The following TCHH variants were observed in gnomAD, a reference collection of about 807,000 sequenced individuals.
The protein encoded by TCHH is trichohyalin.
Under a neutral mutation model 6.3 loss-of-function variants are expected in TCHH, and 6 were observed. That is an observed-to-expected ratio of 0.95 (90% CI 0.52 to 1.88). TCHH has a LOEUF of 1.88. Ranked by LOEUF, TCHH falls within the 40% of genes most tolerant of loss-of-function variation. The probability of loss-of-function intolerance (pLI) is 0.01; values close to 1 mark genes in which losing one functional copy is unlikely to be tolerated. For synonymous variants in TCHH, 1,087 were observed against 963.6 expected, an observed-to-expected ratio of 1.13 and a Z score of -2.37; for missense variants, 2,920 against 2,449.1, an observed-to-expected ratio of 1.19 and a Z score of -4.06.
At chr1:152,113,189 G>T in intron 2 of TCHH, 111 bp from the exon 3 acceptor site, 1 of 1,106,712 alleles carries the variant, frequency 9.0e-7, no homozygotes, top group Non-Finnish European at 1.3e-6. Context: ...GACATTCAGA[G>T]CAATTAGAAA....
rs1289612596 is a variant in TCHH at position 152,111,695 on chromosome 1, T to C, written c.1522A>G (p.Arg508Gly). Residue 508 changes from arginine (R) to glycine (G), a missense_variant, in exon 3 of 3, where the codon AGG becomes GGG. By Grantham distance (125) the Arg-to-Gly change is moderately radical. Transcript: ENST00000614923. ...TCGCGCCTCTCCTCTTGCTCCCGCCTTAGTTGCTGCTCGCGCCTCTCCTGC... is the reference window on the plus strand; with the variant it reads ...TCGCGCCTCTCCTCTTGCTCCCGCCCTAGTTGCTGCTCGCGCCTCTCCTGC... ...EQQERREQQL[R>G]REQEERREQR... 6.5e-7 allele frequency: 1 copy of C among 1,533,592 alleles called. No homozygotes were observed. The highest frequency in any genetic ancestry group is 1.4e-5 in the African/African-American group (1 of 71,620). 95.0% of individuals were successfully genotyped at this position (1,533,592 alleles called of 1,614,324 possible). A position where few individuals can be genotyped will look rare whatever the true frequency, so the allele number is the denominator to read the frequency against.
chr1:152,112,742 CTTGT>C lies in TCHH; in HGVS notation c.471_474del (p.Gln158SerfsTer60). The C allele has an allele frequency of 1.2e-6, 2 of 1,614,080 alleles. No homozygotes were observed. Among genetic ancestry groups the C allele is most frequent in the Non-Finnish European group, 1.7e-6 (2 of 1,180,006 alleles). On this transcript the variant is annotated frameshift_variant, in exon 3 of 3. Coordinates refer to ENST00000614923, the MANE Select transcript of TCHH (RefSeq NM_007113.4). LOFTEE classifies it low-confidence loss of function (END_TRUNC). ...TGCCTGTCGCGCTGTTCAAGTCGCT[CTTGT>C]TTCTCACTTTGCTCCTCTCCCTCAG... is the stretch of plus-strand genomic sequence containing the variant.
At position 152,109,154 on chromosome 1, in the gene TCHH, G is replaced by A. The variant is rs1215638534; in HGVS notation, c.4063C>T (p.Arg1355Cys). Reference protein sequence around the residue: ...LQEREEQPLRRQERDRKFREE... With the variant: ...LQEREEQPLRCQERDRKFREE... ...CGGAATTTTCTGTCACGCTCTTGGC[G>A]GCGCAGCGGCTGTTCCTCCCTTTCC... Residue 1355 changes from arginine (R) to cysteine (C), a missense_variant, in exon 3 of 3, where the codon CGC (arginine) becomes TGC (cysteine). Coordinates refer to ENST00000614923, the MANE Select transcript of TCHH (RefSeq NM_007113.4). 1.2e-6 allele frequency: 2 copies of A among 1,613,752 alleles called. No homozygotes were observed. The highest frequency in any genetic ancestry group is 1.7e-5 in the Admixed American group (1 of 59,996).
rs573292568 is a variant in TCHH, at chr1:152,108,627, C to T, written c.4590G>A (p.Gln1530=). The part of the protein sequence containing the change: ...EEQQLHRQQR[Q]RKFLQEEQQL... ...GCTGTTCCTCCTGGAGGAATTTTCT[C>T]TGCCGTTGCTGGCGGTGCAGCTGCT... Residue 1530 remains glutamine (Q), a synonymous_variant, in exon 3 of 3, where the codon CAG becomes CAA. Transcript: ENST00000614923. 1.6e-5 allele frequency: 26 copies of T among 1,599,080 alleles called. No homozygotes were observed. The highest frequency in any genetic ancestry group is 2.7e-5 in the African/African-American group (2 of 73,794).
rs1360079853 is a variant in TCHH, at chr1:152,109,826, T to C, written c.3391A>G (p.Arg1131Gly). 18 of 1,607,946 alleles carry C rather than the reference T, an allele frequency of 1.1e-5. No individual in the cohort carries two copies. The highest frequency in any genetic ancestry group is 1.4e-5 in the Non-Finnish European group (17 of 1,178,030). Residue 1131 changes from arginine to glycine, a missense_variant, in exon 3 of 3, where the codon AGA (arginine) becomes GGA (glycine). Transcript: ENST00000614923. Reference protein sequence around the residue: ...EQLLREEREKRRRQELERQYR... With the variant: ...EQLLREEREKGRRQELERQYR... ...TGCCTCTCCAGCTCCTGGCGCCTTC[T>C]CTTCTCCCGTTCCTCTCTCAGCAGC...
Position 152,112,919 on chromosome 1 carries a change from G to C in TCHH, c.298C>G (p.Arg100Gly), listed in dbSNP as rs201447607. ...GQATGLDEEKRARCDGKESLL... is the reference protein window; with the variant it reads ...GQATGLDEEKGARCDGKESLL... ...CTCTCCTTTCCGTCACACCGGGCTCGCTTCTCCTCATCCAGTCCCGTGGCC... is the reference window on the plus strand; with the variant it reads ...CTCTCCTTTCCGTCACACCGGGCTCCCTTCTCCTCATCCAGTCCCGTGGCC... Residue 100 changes from arginine to glycine, a missense_variant, in exon 3 of 3, where the codon CGA (arginine) becomes GGA (glycine). Arg to Gly is a moderately radical substitution (Grantham distance 125). Coordinates refer to ENST00000614923, the MANE Select transcript of TCHH (RefSeq NM_007113.4). The C allele has an allele frequency of 1.9e-5, 30 of 1,613,764 alleles. No homozygotes were observed. The East Asian group carries it at 6.2e-4, about 34-fold the overall frequency.
rs773614552 is a variant in TCHH, at chr1:152,108,563, C to T, written c.4654G>A (p.Asp1552Asn). Residue 1552 changes from aspartate to asparagine, a missense_variant, in exon 3 of 3, where the codon GAC becomes AAC. Physicochemically the swap from Asp to Asn is conservative, Grantham distance 23. Transcript: ENST00000614923. ...RQERGQQRRQ[D>N]RDRKFREEEQ... The stretch of plus-strand genomic sequence containing the variant: ...TCCTCGCGGAATTTTCTGTCACGGT[C>T]CTGACGCCGCTGTTGCCCGCGCTCC... 6.2e-7 allele frequency: 1 copy of T among 1,610,524 alleles called. No individual in the cohort carries two copies. The highest frequency in any genetic ancestry group is 1.7e-5 in the Admixed American group (1 of 59,334).
Position 152,107,928 on chromosome 1 carries a change from C to T in TCHH, c.5289G>A (p.Gln1763=). Residue 1763 remains glutamine (Q), a synonymous_variant, in exon 3 of 3, where the codon CAG becomes CAA. Transcript: ENST00000614923. ...EQLRPEREEQ[Q]LRRQERDRKF... ...TTCTGTCGCGCTCCTGGCGGCGCAG[C>T]TGCTGTTCTTCCCTTTCCGGACGGA... The T allele has an allele frequency of 6.2e-7, 1 of 1,613,628 alleles. No individual in the cohort carries two copies. Among genetic ancestry groups the T allele is most frequent in the Non-Finnish European group, 8.5e-7 (1 of 1,179,900 alleles).
At chr1:152,114,430 A>C (rs78825667) in intron 1 of TCHH, among the ~76,000 whole-genome samples, 2 of 152,200 alleles carry the variant, frequency 1.3e-5, no homozygotes, top group Non-Finnish European at 2.9e-5. Flanking sequence ...AATTAAGAGA[A>C]GAGTGCAGAA....
chr1:152,107,825 G>T lies in TCHH; in HGVS notation c.5392C>A (p.Arg1798Ser). Residue 1798 changes from arginine to serine, a missense_variant, in exon 3 of 3, where the codon CGC (arginine) becomes AGC (serine). By Grantham distance (110) the Arg-to-Ser change is moderately radical. Coordinates refer to ENST00000614923, the MANE Select transcript of TCHH (RefSeq NM_007113.4). ...TCCTGGCGTAGCTGTTCCTCCTCGC[G>T]GAATTTTCTGTCAGACTCTTGGCTG... The part of the protein sequence containing the change: ...LRSQESDRKF[R>S]EEEQLRQERE... The T allele has an allele frequency of 6.2e-7, 1 of 1,614,104 alleles. No individual in the cohort carries two copies. Among genetic ancestry groups the T allele is most frequent in the Non-Finnish European group, 8.5e-7 (1 of 1,179,984 alleles).
In TCHH at chr1:152,109,891, T is replaced by A. The variant is rs763472373; in HGVS notation, c.3326A>T (p.Gln1109Leu). Reference protein sequence around the residue: ...EKRRRQERERQCREEEELQQE... With the variant: ...EKRRRQERERLCREEEELQQE... ...CTGCAGCTCCTCTTCCTCCCGACAT[T>A]GCCTCTCCCGCTCCTGGCGCCTTCT... Residue 1109 changes from glutamine (Q) to leucine (L), a missense_variant, in exon 3 of 3, where the codon CAA becomes CTA. By Grantham distance (113) the Gln-to-Leu change is moderately radical. Coordinates refer to ENST00000614923, the MANE Select transcript of TCHH (RefSeq NM_007113.4). 4 of 1,590,130 alleles carry A rather than the reference T, an allele frequency of 2.5e-6. No individual in the cohort carries two copies. Among genetic ancestry groups the A allele is most frequent in the Non-Finnish European group, 8.5e-7 (1 of 1,170,922 alleles).
In TCHH at chr1:152,108,420, C is replaced by T. The variant is rs1348535966; in HGVS notation, c.4797G>A (p.Glu1599=). The change falls in exon 3 of 3, where the codon GAG becomes GAA. Residue 1599 remains glutamate, a synonymous_variant. Transcript: ENST00000614923. The part of the protein sequence containing the change: ...RRQEQERKFM[E]DEQQLRRQEG... ...CCTGGCGGCGCAGCTGCTGTTCGTC[C>T]TCCATGAATTTTCTCTCTTGTTCCT... The T allele has an allele frequency of 2.5e-6, 4 of 1,613,286 alleles. No homozygotes were observed. The highest frequency in any genetic ancestry group is 1.3e-5 in the African/African-American group (1 of 74,610).
At position 152,107,448 on chromosome 1, in the gene TCHH, G is replaced by C; in HGVS notation, c.5769C>G (p.Val1923=). Residue 1923 remains valine, a synonymous_variant, in exon 3 of 3, where the codon GTC becomes GTG. Coordinates refer to ENST00000614923, the MANE Select transcript of TCHH (RefSeq NM_007113.4). ...LEPGTHQFAS[V]PVRSSPLYEY... Reference sequence around the variant, plus strand: ...CATAGAGAGGGCTGGAGCGCACTGGGACACTGGCAAACTGATGAGTGCCGG... The same window carrying C: ...CATAGAGAGGGCTGGAGCGCACTGGCACACTGGCAAACTGATGAGTGCCGG... 1 of 1,613,632 alleles carries C rather than the reference G, an allele frequency of 6.2e-7. No homozygotes were observed. The highest frequency in any genetic ancestry group is 1.3e-5 in the African/African-American group (1 of 75,030).
Position 152,107,131 on chromosome 1 carries a change from T to C in TCHH, c.*254A>G. 1.1e-5 allele frequency: 4 copies of C among 355,934 alleles called. No individual in the cohort carries two copies. Among genetic ancestry groups the C allele is most frequent in the Non-Finnish European group, 2.0e-5 (4 of 199,674 alleles). 22.0% of individuals were successfully genotyped at this position (355,934 alleles called of 1,614,324 possible). On this transcript the variant is annotated 3_prime_UTR_variant, in exon 3 of 3. Coordinates refer to ENST00000614923, the MANE Select transcript of TCHH (RefSeq NM_007113.4). ...ACAAATTAAATGATTTATATTTTTT[T>C]TAAATGCACACCACATCTGCATCAA...
chr1:152,109,711 T>G lies in TCHH; in HGVS notation c.3506A>C (p.Gln1169Pro). 6.2e-7 allele frequency: 1 copy of G among 1,606,598 alleles called. No homozygotes were observed. Among genetic ancestry groups the G allele is most frequent in the Non-Finnish European group, 8.5e-7 (1 of 1,176,594 alleles). The change falls in exon 3 of 3, where the codon CAA (glutamine) becomes CCA (proline). Residue 1169 changes from glutamine to proline, a missense_variant. Gln to Pro is a moderately conservative substitution (Grantham distance 76). Transcript: ENST00000614923. The stretch of plus-strand genomic sequence containing the variant: ...CTGCAGCTCCTCTTCCTCGCGGTAT[T>G]GCCTCTCCAGCTCCTGGCGCCTTCT... ...EKRRRQELER[Q>P]YREEEELQQE...
At position 152,108,035 on chromosome 1, in the gene TCHH, C is replaced by A; in HGVS notation, c.5182G>T (p.Glu1728Ter). The change falls in exon 3 of 3, where the codon GAG (glutamate) becomes TAG (stop). Residue 1728 changes from glutamate (E) to a stop codon, truncating the protein, a stop_gained. Transcript: ENST00000614923. LOFTEE classifies it low-confidence loss of function (END_TRUNC). Reference protein sequence around the residue: ...RQELERKFREEEQLRQETEQE... With the variant: ...RQELERKFRE ...TCCGTTTCTTGGCGCAGCTGTTCCT[C>A]CTCACGGAATTTTCTCTCCAGTTCC... 6.2e-7 allele frequency: 1 copy of A among 1,614,072 alleles called. No homozygotes were observed. The highest frequency in any genetic ancestry group is 1.1e-5 in the South Asian group (1 of 91,076).
intron 2 of TCHH, 135 bp from the exon 3 acceptor site, chr1:152,113,213 T>C: frequency 2.2e-6 from 2 of 913,760 alleles, no homozygotes; most frequent in Non-Finnish European, 3.2e-6. Context: ...GTCCAGTGTG[T>C]ATCAAGTTTT....
In TCHH at chr1:152,107,690, G is replaced by A. The variant is rs368495817; in HGVS notation, c.5527C>T (p.Arg1843Trp). 101 of 1,614,040 alleles carry A rather than the reference G, an allele frequency of 6.3e-5. No individual in the cohort carries two copies. The highest frequency in any genetic ancestry group is 7.9e-5 in the Non-Finnish European group (93 of 1,180,048). The change falls in exon 3 of 3, where the codon CGG becomes TGG. Residue 1843 changes from arginine to tryptophan, a missense_variant. Arg to Trp is a moderately radical substitution (Grantham distance 101). Transcript: ENST00000614923. ...AACTGCTCCTCCGCCCGGTACTGCCGGTCTCGCTCCTGCCGCAGCCTCTGC... is the reference window on the plus strand; with the variant it reads ...AACTGCTCCTCCGCCCGGTACTGCCAGTCTCGCTCCTGCCGCAGCCTCTGC... ...QEQRLRQERDRQYRAEEQFAT... is the reference protein window; with the variant it reads ...QEQRLRQERDWQYRAEEQFAT...
At position 152,109,635 on chromosome 1, in the gene TCHH, C is replaced by T. The variant is rs1463347152; in HGVS notation, c.3582G>A (p.Glu1194=). 1.9e-6 allele frequency: 3 copies of T among 1,610,934 alleles called. No homozygotes were observed. The highest frequency in any genetic ancestry group is 2.5e-6 in the Non-Finnish European group (3 of 1,178,190). The change falls in exon 3 of 3, where the codon GAG becomes GAA. Residue 1194 remains glutamate (E), a synonymous_variant. Transcript: ENST00000614923. ...LREEQEKRRQ[E]RERQYREEEE... is the part of the protein sequence containing the mutation. ...CCTCCTCCCGATACTGCCTCTCCCG[C>T]TCCTGGCGCCTTTTCTCCTGTTCCT...
Sources: gnomAD v4.1 joint callset for allele counts (sites outside exome capture counted in the v4.1 genomes callset) on GRCh38, gnomAD v4.1.1 for gene constraint, MANE v1.5 for transcripts, NCBI Gene and HGNC (gene_info 2026-07-23, HGNC 2026-07-21) for gene names.